The following MTR variants were observed in gnomAD, a reference collection of about 807,000 sequenced individuals.
The protein encoded by MTR is methionine synthase.
In MTR, 84 loss-of-function variants were observed where a neutral mutation model predicts 154.8. The observed-to-expected ratio is 0.54, with a 90% CI of 0.45 to 0.65. The LOEUF (loss-of-function observed/expected upper bound fraction) is 0.65, where lower values mean the gene tolerates loss of function less well. Among genes scored for constraint, MTR ranks in the 30% least tolerant of loss-of-function variants. The pLI, the probability that MTR is intolerant of heterozygous loss-of-function variation, is 0.00. For synonymous variants in MTR, 554 were observed against 553.9 expected (o/e 1.00, Z 0.00); for missense variants, 1,275 against 1,570.2 (o/e 0.81, Z 3.18).
At chr1:236,824,875 A>G (rs1662188022) in intron 9 of MTR, among the ~76,000 whole-genome samples, 1 of 152,232 alleles carries the variant, frequency 6.6e-6, no homozygotes, top group Non-Finnish European at 1.5e-5. Flanking sequence ...AAGAAACTGG[A>G]TTGTTATAAG....
intron 30 of MTR, 70 bp from the exon 31 acceptor site, chr1:236,895,288 G>C: frequency 1.3e-6 from 2 of 1,505,058 alleles, no homozygotes; most frequent in Non-Finnish European, 1.8e-6. Context: ...CTAATTCAGG[G>C]GGTGGAGGCT....
chr1:236,815,352 T>C (rs949732360), intron 6 of MTR, among the ~76,000 whole-genome samples: 1 of 152,200 alleles, frequency 6.6e-6, no homozygotes, highest in African/African-American at 2.4e-5. Flanking sequence ...CCCCTTCAGC[T>C]CCTCCTCAGT....
intron 12 of MTR, among the ~76,000 whole-genome samples, chr1:236,831,230 C>G (rs1662592887): frequency 1.3e-5 from 2 of 152,162 alleles, no homozygotes; most frequent in South Asian, 4.1e-4. Context: ...AGTTCAGAGC[C>G]TTTTCTGTAG....
intron 1 of MTR, among the ~76,000 whole-genome samples, 168 bp downstream of exon 1, chr1:236,795,905 T>G (rs1016960016): frequency 2.6e-5 from 4 of 152,200 alleles, no homozygotes; most frequent in Non-Finnish European, 4.4e-5. Flanking sequence ...GGGCTACGTG[T>G]TTTGCTCCAC....
chr1:236,806,004 TACC>T, intron 2 of MTR, 137 bp from the exon 3 acceptor site: 1 of 736,396 alleles, frequency 1.4e-6, no homozygotes, highest in African/African-American at 1.7e-5. Flanking sequence ...TTTGCATCTC[TACC>T]TTCTAATGCA....
chr1:236,885,023 G>A (rs1665940698), intron 25 of MTR, 98 bp from the exon 26 acceptor site: 1 of 794,162 alleles, frequency 1.3e-6, no homozygotes, highest in Non-Finnish European at 2.2e-6. Context: ...AAGAAATGAA[G>A]TTAAGGAAGC....
rs114964520 is a variant in MTR, at chr1:236,802,355, T to C, written c.35-1073T>C. Among the ~76,000 whole-genome samples the C allele has an allele frequency of 7.1e-3, 1,079 of 152,208 alleles. 6 individuals carry two copies. Among genetic ancestry groups the C allele is most frequent in the Non-Finnish European group, 9.9e-3 (672 of 68,006 alleles). On this transcript the variant is annotated intron_variant, in intron 1 of 32. Transcript: ENST00000366577. ...GGTCTAAGATTGGGGCCAGGTGTTT[T>C]TGATATTTAGAAGGTCATTGGTGAC...
At chr1:236,859,049 G>A (rs1256647606) in intron 18 of MTR, among the ~76,000 whole-genome samples, 3 of 152,168 alleles carry the variant, frequency 2.0e-5, no homozygotes, top group Non-Finnish European at 4.4e-5. Flanking sequence ...CTTATGACAT[G>A]GCTGTCTTAC....
At chr1:236,840,005 G>T (rs1295634549) in intron 15 of MTR, among the ~76,000 whole-genome samples, 2 of 152,198 alleles carry the variant, frequency 1.3e-5, no homozygotes, top group Non-Finnish European at 2.9e-5. Flanking sequence ...TGTCAACTGG[G>T]TGGGGTAGGG....
chr1:236,798,401 C>T (rs1391524931), intron 1 of MTR, among the ~76,000 whole-genome samples: 1 of 152,200 alleles, frequency 6.6e-6, no homozygotes, highest in African/African-American at 2.4e-5. Flanking sequence ...CTGACTAGGG[C>T]TTTAACCACT....
intron 22 of MTR, among the ~76,000 whole-genome samples, chr1:236,864,395 A>G (rs142401973): frequency 2.7e-4 from 41 of 152,202 alleles, no homozygotes; most frequent in African/African-American, 9.1e-4. Context: ...ATTTTTATCC[A>G]TCTCTGCCTT....
At chr1:236,880,322 C>T (rs1444410532) in intron 24 of MTR, among the ~76,000 whole-genome samples, 1 of 152,108 alleles carries the variant, frequency 6.6e-6, no homozygotes, top group Non-Finnish European at 1.5e-5. Flanking sequence ...GCTAGACAGC[C>T]ATATCCTGTG....
chr1:236,846,387 GC>G (rs1663572865), intron 15 of MTR, among the ~76,000 whole-genome samples: 1 of 113,344 alleles, frequency 8.8e-6, no homozygotes, highest in Non-Finnish European at 2.2e-5. Context: ...TCACATAATA[GC>G]AGAATAGTCT....
At position 236,897,624 on chromosome 1, in the gene MTR, T is replaced by C; in HGVS notation, c.3778T>C (p.Leu1260=). The C allele has an allele frequency of 6.2e-7, 1 of 1,613,988 alleles. No individual in the cohort carries two copies. Among genetic ancestry groups the C allele is most frequent in the South Asian group, 1.1e-5 (1 of 91,052 alleles). ...GGTTGAGAAATGGCTTGGACCCATT[T>C]TGGGATATGATACAGACTAACTTTT... is the stretch of plus-strand genomic sequence containing the variant. ...AEVEKWLGPI[L]GYDTD is the part of the protein sequence containing the mutation. Residue 1260 remains leucine (L), a synonymous_variant, in exon 33 of 33, where the codon TTG becomes CTG. Coordinates refer to ENST00000366577, the MANE Select transcript of MTR (RefSeq NM_000254.3).
intron 27 of MTR, among the ~76,000 whole-genome samples, chr1:236,888,684 C>G (rs1666153116): frequency 6.6e-6 from 1 of 152,210 alleles, no homozygotes; most frequent in South Asian, 2.1e-4. Flanking sequence ...GTCCCTTCCT[C>G]CCCTGCAGAA....
At chr1:236,861,097 C>G in intron 19 of MTR, 28 bp from the exon 20 acceptor site, 28 of 1,156,650 alleles carry the variant, frequency 2.4e-5, no homozygotes, top group Middle Eastern at 2.6e-4. Context: ...CTTTCTTTTT[C>G]TTTTTTTTTT....
intron 22 of MTR, among the ~76,000 whole-genome samples, chr1:236,864,347 GT>G (rs1185319670): frequency 6.6e-6 from 1 of 152,114 alleles, no homozygotes; most frequent in African/African-American, 2.4e-5. Context: ...TTGCTGTCAA[GT>G]AACAATTACC....
At chr1:236,824,049 C>T (rs916645961) in intron 8 of MTR, 70 bp from the exon 9 acceptor site, 1 of 1,271,598 alleles carries the variant, frequency 7.9e-7, no homozygotes, top group Non-Finnish European at 1.1e-6. Context: ...ATATTGTCTC[C>T]ATATATAACT....
rs1458770538 is a variant in MTR at position 236,873,813 on chromosome 1, C to T, written c.2446C>T (p.Leu816=). The change falls in exon 23 of 33, where the codon CTG becomes TTG. Residue 816 remains leucine, a synonymous_variant. Transcript: ENST00000366577. ...AGTCATGACTCCATGTGATAAGATA[C>T]TGAAAGCTGCTCTTGACCACAAAGC... ...LGVMTPCDKI[L]KAALDHKADI... The T allele has an allele frequency of 1.2e-5, 19 of 1,613,996 alleles. No homozygotes were observed. Among genetic ancestry groups the T allele is most frequent in the Non-Finnish European group, 1.5e-5 (18 of 1,180,006 alleles).
Sources: allele counts gnomAD v4.1 joint callset (sites outside exome capture counted in the v4.1 genomes callset), GRCh38; gene constraint gnomAD v4.1.1; transcripts MANE v1.5; gene names NCBI Gene and HGNC (gene_info 2026-07-23, HGNC 2026-07-21).